The following ZNF804B variants were observed in gnomAD, a reference collection of about 807,000 sequenced individuals.
The protein encoded by ZNF804B is zinc finger protein 804B.
ZNF804B carries 80 observed loss-of-function variants against 101.4 expected under a neutral mutation model. That is an observed-to-expected ratio of 0.79 (90% CI 0.66 to 0.95). The LOEUF (loss-of-function observed/expected upper bound fraction) is 0.95. Ranked by LOEUF, ZNF804B falls within the 40% of genes least tolerant of loss-of-function variation. The pLI, the probability that ZNF804B is intolerant of heterozygous loss-of-function variation, is 0.00. For missense variants in ZNF804B, 1,673 were observed against 1,561.9 expected (o/e 1.07, Z -1.20); for synonymous variants, 622 against 558.8 (o/e 1.11, Z -1.59).
At chr7:88,924,065 A>G (rs7805742) in intron 1 of ZNF804B, among the ~76,000 whole-genome samples, 84,378 of 151,764 alleles carry the variant, frequency 0.56, 26,582 homozygotes, top group East Asian at 0.86. Flanking sequence ...TTTCTCCAGG[A>G]TAGAGTTCCG....
intron 1 of ZNF804B, among the ~76,000 whole-genome samples, chr7:88,849,273 T>C (rs1020855401): frequency 2.0e-5 from 3 of 152,192 alleles, no homozygotes; most frequent in Non-Finnish European, 2.9e-5. Flanking sequence ...ATGATTCAAA[T>C]TGAACAGAGT....
intron 1 of ZNF804B, among the ~76,000 whole-genome samples, chr7:89,114,963 C>A (rs1215080411): frequency 1.3e-5 from 2 of 152,122 alleles, no homozygotes; most frequent in East Asian, 3.8e-4. Context: ...AGACCATAAC[C>A]AAGTATTTTT....
At chr7:89,252,436 G>T (rs1562928593) in intron 2 of ZNF804B, among the ~76,000 whole-genome samples, 1 of 152,130 alleles carries the variant, frequency 6.6e-6, no homozygotes, top group Non-Finnish European at 1.5e-5. Context: ...TACAGTGTTG[G>T]AACATAAATT....
chr7:89,013,500 T>G (rs1788495280), intron 1 of ZNF804B, among the ~76,000 whole-genome samples: 1 of 152,194 alleles, frequency 6.6e-6, no homozygotes, highest in African/African-American at 2.4e-5. Context: ...GATTCTTTAT[T>G]TTTATTTTTT....
At chr7:88,851,668 T>G (rs1172615001) in intron 1 of ZNF804B, among the ~76,000 whole-genome samples, 3 of 152,064 alleles carry the variant, frequency 2.0e-5, no homozygotes, top group Non-Finnish European at 4.4e-5. Flanking sequence ...CACATGGAAA[T>G]ATGGTTCTAC....
At chr7:89,136,959 T>C (rs993832652) in intron 1 of ZNF804B, among the ~76,000 whole-genome samples, 2 of 151,038 alleles carry the variant, frequency 1.3e-5, no homozygotes, top group East Asian at 3.9e-4. Context: ...AAAAGCTCTC[T>C]TTTTTTTTGC....
At chr7:88,775,371 A>G (rs1790125980) in intron 1 of ZNF804B, among the ~76,000 whole-genome samples, 2 of 152,178 alleles carry the variant, frequency 1.3e-5, no homozygotes, top group African/African-American at 2.4e-5. Flanking sequence ...TAGGTGAGGA[A>G]CAACCATGCA....
intron 1 of ZNF804B, among the ~76,000 whole-genome samples, chr7:88,918,765 T>C (rs1246137841): frequency 6.6e-6 from 1 of 151,978 alleles, no homozygotes; most frequent in East Asian, 1.9e-4. Flanking sequence ...AAGAGTGGGA[T>C]TGGGGGGTGA....
intron 1 of ZNF804B, among the ~76,000 whole-genome samples, chr7:88,950,570 T>A (rs1027828944): frequency 6.6e-6 from 1 of 151,920 alleles, no homozygotes. Context: ...CTTCTATTTT[T>A]AAGCCTCTGT....
At chr7:89,018,259 A>G (rs186169894) in intron 1 of ZNF804B, among the ~76,000 whole-genome samples, 58 of 152,172 alleles carry the variant, frequency 3.8e-4, no homozygotes, top group African/African-American at 1.2e-3. Flanking sequence ...TTCTGCATCT[A>G]TTGAGAAGAT....
At chr7:89,257,586 GGC>G (rs1789653705) in intron 2 of ZNF804B, among the ~76,000 whole-genome samples, 1 of 151,782 alleles carries the variant, frequency 6.6e-6, no homozygotes, top group African/African-American at 2.4e-5. Flanking sequence ...ATGAATAATT[GGC>G]ATATATTTAT....
intron 1 of ZNF804B, among the ~76,000 whole-genome samples, chr7:88,969,839 A>G (rs1016977253): frequency 6.6e-6 from 1 of 151,670 alleles, no homozygotes; most frequent in African/African-American, 2.4e-5. Flanking sequence ...TAAACCTTCT[A>G]TATAAATTGC....
At chr7:89,254,668 C>G (rs1789598290) in intron 2 of ZNF804B, among the ~76,000 whole-genome samples, 1 of 143,528 alleles carries the variant, frequency 7.0e-6, no homozygotes, top group Admixed American at 7.1e-5. Context: ...TTTTTTGAGT[C>G]AGAATCTCAC....
At chr7:89,108,632 C>T (rs1194364134) in intron 1 of ZNF804B, among the ~76,000 whole-genome samples, 1 of 152,002 alleles carries the variant, frequency 6.6e-6, no homozygotes, top group Non-Finnish European at 1.5e-5. Flanking sequence ...TGACAAAAGG[C>T]AAAGGAAACT....
intron 1 of ZNF804B, among the ~76,000 whole-genome samples, chr7:89,166,982 A>C (rs768803385): frequency 6.6e-6 from 1 of 152,150 alleles, no homozygotes; most frequent in Non-Finnish European, 1.5e-5. Context: ...TGTGTGAATG[A>C]GTTTTCATAA....
chr7:89,025,663 A>G (rs1468367333), intron 1 of ZNF804B, among the ~76,000 whole-genome samples: 1 of 152,130 alleles, frequency 6.6e-6, no homozygotes, highest in East Asian at 1.9e-4. Context: ...TTCATAAATA[A>G]TTTGACTTCT....
intron 1 of ZNF804B, among the ~76,000 whole-genome samples, chr7:88,798,595 T>C (rs1435113846): frequency 6.6e-6 from 1 of 152,126 alleles, no homozygotes; most frequent in African/African-American, 2.4e-5. Flanking sequence ...GGTTGCTTCC[T>C]AAAAATTTTA....
intron 1 of ZNF804B, among the ~76,000 whole-genome samples, chr7:88,908,939 A>G (rs1038347016): frequency 6.6e-6 from 1 of 151,844 alleles, no homozygotes; most frequent in Admixed American, 6.6e-5. Flanking sequence ...TGTAGCTATC[A>G]GGAGTATTTA....
intron 1 of ZNF804B, among the ~76,000 whole-genome samples, chr7:89,086,966 A>C (rs147007780): frequency 1.3e-3 from 191 of 151,962 alleles, no homozygotes; most frequent in African/African-American, 4.4e-3. Context: ...ATGTACCCTA[A>C]AACTTAAAGT....
Sources: gnomAD v4.1 joint callset for allele counts (sites outside exome capture counted in the v4.1 genomes callset) on GRCh38, gnomAD v4.1.1 for gene constraint, MANE v1.5 for transcripts, NCBI Gene and HGNC (gene_info 2026-07-23, HGNC 2026-07-21) for gene names.